The following WDR47 variants were observed in gnomAD, a reference collection of about 807,000 sequenced individuals.
WDR47 encodes the protein WD repeat-containing protein 47.
A neutral mutation model predicts 97.2 loss-of-function variants in WDR47; 32 were observed. That is an observed-to-expected ratio of 0.33 (90% confidence interval 0.25 to 0.44). The LOEUF is 0.44. Among genes scored for constraint, WDR47 ranks in the 20% least tolerant of loss-of-function variants. The pLI, the probability that WDR47 is intolerant of heterozygous loss-of-function variation, is 1.00. For synonymous variants in WDR47, 375 were observed against 373.5 expected (o/e 1.00, Z -0.05); for missense variants, 782 against 1,102.3 (o/e 0.71, Z 4.11).
chr1:109,005,143 T>C (rs555516055), intron 5 of WDR47, among the ~76,000 whole-genome samples: 15 of 152,302 alleles, frequency 9.8e-5, no homozygotes, highest in East Asian at 3.9e-4. Flanking sequence ...GGCTCACTCC[T>C]GTAATCCCAG....
chr1:108,990,255 C>T (rs181710538), intron 9 of WDR47, among the ~76,000 whole-genome samples: 6 of 152,188 alleles, frequency 3.9e-5, no homozygotes, highest in Non-Finnish European at 8.8e-5. Context: ...GTCCCCCAGG[C>T]TGGAGTACAA....
rs181811213 is a variant in WDR47, at chr1:109,007,824, C to G, written c.1130+3092G>C. ...TCTGACTTTAAAGACTATGTTCAGG[C>G]TGGGTGCAGTGGCTCATGCCTGTAA... On this transcript the variant is annotated intron_variant, in intron 5 of 14. Coordinates refer to ENST00000369962, the MANE Select transcript of WDR47 (RefSeq NM_001142551.2). Among the ~76,000 whole-genome samples, 14 of 152,324 alleles carry G rather than the reference C, an allele frequency of 9.2e-5. No individual in the cohort carries two copies. The East Asian group carries it at 2.1e-3, about 23-fold the overall frequency.
intron 12 of WDR47, 49 bp from the exon 13 acceptor site, chr1:108,981,913 A>G (rs1402961022): frequency 3.2e-6 from 5 of 1,580,732 alleles, no homozygotes; most frequent in Non-Finnish European, 3.4e-6. Flanking sequence ...GTATCTTTCC[A>G]TAACATATTC....
intron 5 of WDR47, 118 bp downstream of exon 5, chr1:109,010,798 G>A: frequency 1.0e-6 from 1 of 960,780 alleles, no homozygotes; most frequent in Admixed American, 2.3e-5. Flanking sequence ...TAGCCAGGAT[G>A]GTCTCAATCT....
chr1:109,001,450 ATCTG>A (rs1557936009), intron 7 of WDR47, among the ~76,000 whole-genome samples: 1 of 152,230 alleles, frequency 6.6e-6, no homozygotes, highest in East Asian at 1.9e-4. Context: ...ATCAAAAAAA[ATCTG>A]TAGGTTTAAG....
In WDR47 at chr1:108,971,330, C is replaced by A. The variant is rs1394267491; in HGVS notation, c.*100G>T. 6.6e-7 allele frequency: 1 copy of A among 1,520,046 alleles called. No homozygotes were observed. Among genetic ancestry groups the A allele is most frequent in the South Asian group, 1.3e-5 (1 of 79,954 alleles). 94.2% of individuals were successfully genotyped at this position (1,520,046 alleles called of 1,614,324 possible). On this transcript the variant is annotated 3_prime_UTR_variant, in exon 15 of 15. Coordinates refer to ENST00000369962, the MANE Select transcript of WDR47 (RefSeq NM_001142551.2). ...TAATAAGGGGCCTCTTCGTGCTAAA[C>A]CACTTTCCTGGACACTATGTTCTTC...
At chr1:108,988,135 C>CT (rs1339875628) in intron 9 of WDR47, among the ~76,000 whole-genome samples, 1 of 134,190 alleles carries the variant, frequency 7.5e-6, no homozygotes, top group Non-Finnish European at 1.5e-5. Context: ...GTCTCAGCTA[C>CT]TTGGGAGGCT....
At chr1:108,995,192 C>T (rs1490969867) in intron 8 of WDR47, among the ~76,000 whole-genome samples, 1 of 152,214 alleles carries the variant, frequency 6.6e-6, no homozygotes. Context: ...CAGCTGTAAT[C>T]ATTCCACCAG....
intron 5 of WDR47, among the ~76,000 whole-genome samples, chr1:109,006,478 C>A (rs1317962516): frequency 2.0e-5 from 3 of 152,124 alleles, no homozygotes; most frequent in Admixed American, 2.0e-4. Context: ...TTTATGTCCA[C>A]AAAGAAGAAT....
chr1:109,013,746 G>C, intron 4 of WDR47, 95 bp downstream of exon 4: 1 of 1,363,450 alleles, frequency 7.3e-7, no homozygotes, highest in South Asian at 1.3e-5. Context: ...TAAAAACTCT[G>C]AAAACTTGTG....
chr1:108,995,138 T>C (rs1055186487), intron 8 of WDR47, among the ~76,000 whole-genome samples: 1 of 152,194 alleles, frequency 6.6e-6, no homozygotes, highest in Non-Finnish European at 1.5e-5. Context: ...AAAATGTAAA[T>C]ATGCAGTCTT....
chr1:109,018,531 G>A (rs1484210339), intron 2 of WDR47, among the ~76,000 whole-genome samples: 1 of 151,844 alleles, frequency 6.6e-6, no homozygotes, highest in Admixed American at 6.6e-5. Context: ...TTAAGAACAA[G>A]TGGCTGGGCG....
Position 109,030,957 on chromosome 1 carries a change from C to A in WDR47, c.-9-7436G>T, listed in dbSNP as rs1463936131. ...GTAAGGGGATTCGTTTGTCTAATTTCTATGATTTCCCTTCAAGTTTTATAA... is the reference window on the plus strand; with the variant it reads ...GTAAGGGGATTCGTTTGTCTAATTTATATGATTTCCCTTCAAGTTTTATAA... On this transcript the variant is annotated intron_variant, in intron 1 of 14. Transcript: ENST00000369962. Among the ~76,000 whole-genome samples the A allele has an allele frequency of 1.4e-5, 2 of 139,236 alleles. 1 individual carries two copies. The highest frequency in any genetic ancestry group is 3.2e-5 in the Non-Finnish European group (2 of 62,660). 91.3% of individuals were successfully genotyped at this position (139,236 alleles called of 152,430 possible). A position where few individuals can be genotyped will look rare whatever the true frequency, so the allele number is the denominator to read the frequency against.
At chr1:108,999,717 T>C (rs371552076) in intron 7 of WDR47, among the ~76,000 whole-genome samples, 90 of 152,028 alleles carry the variant, frequency 5.9e-4, no homozygotes, top group Middle Eastern at 3.4e-3. Context: ...TTTATGATTG[T>C]CTATAAAGGA....
chr1:109,037,746 T>C (rs190283822), intron 1 of WDR47, among the ~76,000 whole-genome samples: 5 of 152,176 alleles, frequency 3.3e-5, no homozygotes, highest in Admixed American at 2.0e-4. Flanking sequence ...TACTTAGCCA[T>C]AGGAAAAAAA....
intron 1 of WDR47, among the ~76,000 whole-genome samples, chr1:109,028,374 T>TTTTTTG (rs1311758422): frequency 7.2e-6 from 1 of 138,160 alleles, no homozygotes; most frequent in Non-Finnish European, 1.6e-5. Flanking sequence ...TTTTTTTTTT[T>TTTTTTG]TTTTTTTTTT....
chr1:108,990,239 T>C (rs1659218388), intron 9 of WDR47, among the ~76,000 whole-genome samples: 1 of 151,874 alleles, frequency 6.6e-6, no homozygotes, highest in South Asian at 2.1e-4. Context: ...GACAGAGTCT[T>C]GCTCTGTCCC....
intron 9 of WDR47, among the ~76,000 whole-genome samples, chr1:108,988,818 C>T (rs974959631): frequency 2.6e-5 from 4 of 151,434 alleles, no homozygotes; most frequent in African/African-American, 4.9e-5. Context: ...AGTGCGGTGG[C>T]GCAATCTTGA....
chr1:109,038,689 T>C (rs531274074), intron 1 of WDR47, among the ~76,000 whole-genome samples: 8 of 134,314 alleles, frequency 6.0e-5, no homozygotes, highest in South Asian at 2.4e-4. Context: ...AAAAAATAAA[T>C]AAACAGGCCA....
Sources: allele counts gnomAD v4.1 joint callset (sites outside exome capture counted in the v4.1 genomes callset), GRCh38; gene constraint gnomAD v4.1.1; transcripts MANE v1.5; gene names NCBI Gene and HGNC (gene_info 2026-07-23, HGNC 2026-07-21).